Variants in TAFA1 observed in about 807,000 individuals in gnomAD.
TAFA1 encodes the protein TAFA chemokine like family member 1.
In TAFA1, 4 loss-of-function variants were observed where a neutral mutation model predicts 18.5. The observed-to-expected ratio is 0.22, with a 90% confidence interval of 0.11 to 0.49. TAFA1 has a LOEUF of 0.49. Among genes scored for constraint, TAFA1 ranks in the 20% least tolerant of loss-of-function variants. The probability of loss-of-function intolerance (pLI) is 0.98; values close to 1 mark genes in which losing one functional copy is unlikely to be tolerated. For missense variants in TAFA1, 147 were observed against 169.0 expected (o/e 0.87, Z 0.72); for synonymous variants, 56 against 55.2 (o/e 1.01, Z -0.06).
At chr3:68,400,169 C>T (rs754176895) in intron 2 of TAFA1, among the ~76,000 whole-genome samples, 5 of 152,002 alleles carry the variant, frequency 3.3e-5, no homozygotes, top group African/African-American at 9.7e-5. Flanking sequence ...TGCACTGCAT[C>T]GACTGAAAAT....
At chr3:68,372,857 C>A (rs1419650509) in intron 2 of TAFA1, among the ~76,000 whole-genome samples, 17 of 152,110 alleles carry the variant, frequency 1.1e-4, no homozygotes, top group African/African-American at 4.1e-4. Flanking sequence ...AGAAGCTAAG[C>A]CAAGGAATCC....
At chr3:68,391,041 G>A (rs144551391) in intron 2 of TAFA1, among the ~76,000 whole-genome samples, 1 of 152,266 alleles carries the variant, frequency 6.6e-6, no homozygotes, top group East Asian at 1.9e-4. Context: ...GCTTCAGAAG[G>A]TGGGTAATAA....
At chr3:68,339,606 T>C (rs191400334) in intron 2 of TAFA1, among the ~76,000 whole-genome samples, 246 of 152,344 alleles carry the variant, frequency 1.6e-3, no homozygotes, top group African/African-American at 5.7e-3. Context: ...ATCCTTTTGT[T>C]CTAGATAGAA....
Position 68,144,898 on chromosome 3 carries a change from T to C in TAFA1, c.118+138154T>C, listed in dbSNP as rs2065718117. On this transcript the variant is annotated intron_variant, in intron 2 of 4. Transcript: ENST00000478136. ...ACATTCCATTTCCTCATCAAAAAATTGGAGATAATAATAGGTCATATCTTA... is the reference window on the plus strand; with the variant it reads ...ACATTCCATTTCCTCATCAAAAAATCGGAGATAATAATAGGTCATATCTTA... The C allele has an allele frequency of 3.7e-5, 25 of 670,824 alleles. No individual in the cohort carries two copies. In the South Asian group the frequency reaches 4.0e-4, roughly 11 times the overall value. The allele number at this position is 670,824 out of a possible 1,614,324, so 41.6% of individuals were successfully genotyped here.
At chr3:68,363,306 G>GAT in intron 2 of TAFA1, among the ~76,000 whole-genome samples, 1 of 152,128 alleles carries the variant, frequency 6.6e-6, no homozygotes, top group Admixed American at 6.6e-5. Context: ...GTGACTTTGA[G>GAT]GCAGAGAAAA....
intron 2 of TAFA1, among the ~76,000 whole-genome samples, chr3:68,319,809 G>C (rs2068668951): frequency 6.6e-6 from 1 of 152,118 alleles, no homozygotes; most frequent in Non-Finnish European, 1.5e-5. Flanking sequence ...CTCCAGTTTA[G>C]TATTCCAAAG....
At chr3:68,031,820 T>G (rs1371478438) in intron 2 of TAFA1, among the ~76,000 whole-genome samples, 1 of 152,182 alleles carries the variant, frequency 6.6e-6, no homozygotes, top group Non-Finnish European at 1.5e-5. Flanking sequence ...TTCTATTATT[T>G]TTTCCGTGGC....
intron 3 of TAFA1, among the ~76,000 whole-genome samples, chr3:68,421,160 G>A (rs1479242115): frequency 6.6e-6 from 1 of 152,118 alleles, no homozygotes; most frequent in Non-Finnish European, 1.5e-5. Flanking sequence ...TTTGTAAGAA[G>A]TTAAGCCACA....
intron 2 of TAFA1, among the ~76,000 whole-genome samples, chr3:68,281,809 G>T (rs1390491782): frequency 6.6e-6 from 1 of 152,118 alleles, no homozygotes; most frequent in Non-Finnish European, 1.5e-5. Context: ...GGATGCATTT[G>T]TGGCACCATT....
chr3:68,323,136 A>G (rs907196263), intron 2 of TAFA1, among the ~76,000 whole-genome samples: 5 of 151,276 alleles, frequency 3.3e-5, no homozygotes, highest in African/African-American at 1.2e-4. Flanking sequence ...ATTTTGCCAT[A>G]TATCATCTTA....
At chr3:68,067,738 C>T (rs1242521476) in intron 2 of TAFA1, among the ~76,000 whole-genome samples, 5 of 152,110 alleles carry the variant, frequency 3.3e-5, no homozygotes, top group African/African-American at 1.2e-4. Flanking sequence ...CCTTTCCTTT[C>T]CTTCCATCCT....
chr3:68,392,789 A>G (rs1006799482), intron 2 of TAFA1, among the ~76,000 whole-genome samples: 2 of 152,226 alleles, frequency 1.3e-5, no homozygotes, highest in Admixed American at 6.5e-5. Flanking sequence ...GCAGAAATAA[A>G]TAAGTTCTTT....
chr3:68,020,278 T>A (rs1333930543), intron 2 of TAFA1, among the ~76,000 whole-genome samples: 2 of 152,142 alleles, frequency 1.3e-5, no homozygotes, highest in East Asian at 3.9e-4. Context: ...ACTCTGGGTC[T>A]GAGGAGTCTG....
intron 2 of TAFA1, among the ~76,000 whole-genome samples, chr3:68,369,313 G>A (rs1214448691): frequency 6.6e-6 from 1 of 152,140 alleles, no homozygotes; most frequent in Non-Finnish European, 1.5e-5. Flanking sequence ...TCCTTGGATC[G>A]GAGTATCTTT....
Position 68,419,476 on chromosome 3 carries a change from A to G in TAFA1, c.259+2056A>G, listed in dbSNP as rs188425835. On this transcript the variant is annotated intron_variant, in intron 3 of 4. Coordinates refer to ENST00000478136, the MANE Select transcript of TAFA1 (RefSeq NM_213609.4). ...AATTTAGACCACCACCTTTAAGACA[A>G]TTTTATATGTTACTGTCAAACAATG... 3.3e-3 allele frequency among the ~76,000 whole-genome samples: 508 copies of G among 152,244 alleles called. 1 individual carries two copies. The highest frequency in any genetic ancestry group is 4.9e-3 in the Non-Finnish European group (333 of 68,020).
chr3:68,338,560 T>A (rs983753441), intron 2 of TAFA1, among the ~76,000 whole-genome samples: 1 of 152,206 alleles, frequency 6.6e-6, no homozygotes, highest in Non-Finnish European at 1.5e-5. Context: ...GGATTCTCAA[T>A]TCATCCTTAC....
At chr3:68,476,686 G>C (rs977992348) in intron 3 of TAFA1, among the ~76,000 whole-genome samples, 3 of 152,108 alleles carry the variant, frequency 2.0e-5, no homozygotes, top group Non-Finnish European at 2.9e-5. Context: ...AATTAACCCT[G>C]AGGATTATTT....
At chr3:68,197,080 A>G (rs1167068576) in intron 2 of TAFA1, among the ~76,000 whole-genome samples, 1 of 151,792 alleles carries the variant, frequency 6.6e-6, no homozygotes. Context: ...ACTTTCTTCT[A>G]GAAGGCCTAG....
intron 2 of TAFA1, among the ~76,000 whole-genome samples, chr3:68,143,436 T>C (rs1440506692): frequency 6.6e-6 from 1 of 152,226 alleles, no homozygotes; most frequent in Non-Finnish European, 1.5e-5. Context: ...CTACTAACAC[T>C]CTGACAGCAA....
Sources: gnomAD v4.1 joint callset for allele counts (sites outside exome capture counted in the v4.1 genomes callset) on GRCh38, gnomAD v4.1.1 for gene constraint, MANE v1.5 for transcripts, NCBI Gene and HGNC (gene_info 2026-07-23, HGNC 2026-07-21) for gene names.